Variants in UMAD1 observed in about 807,000 individuals in gnomAD.
UMAD1 encodes UBAP1-MVB12-associated (UMA)-domain containing protein 1.
In UMAD1, 8 loss-of-function variants were observed where a neutral mutation model predicts 6.1. That is an observed-to-expected ratio of 1.30 (90% CI 0.76 to 2.35). The LOEUF is 2.35. Ranked by LOEUF, UMAD1 falls within the 30% of genes most tolerant of loss-of-function variation. The pLI is 0.00. For synonymous variants in UMAD1, 56 were observed against 31.4 expected, an observed-to-expected ratio of 1.78 and a Z score of -2.61; for missense variants, 130 against 78.4, an observed-to-expected ratio of 1.66 and a Z score of -2.49.
At chr7:7,808,456 C>T (rs10237037) in intron 3 of UMAD1, among the ~76,000 whole-genome samples, 6,433 of 151,988 alleles carry the variant, frequency 0.042, 210 homozygotes, top group African/African-American at 0.095. Flanking sequence ...AAAACTGGAA[C>T]CGTATTAGCT....
At chr7:7,821,950 A>G (rs1257938787) in intron 3 of UMAD1, among the ~76,000 whole-genome samples, 3 of 152,160 alleles carry the variant, frequency 2.0e-5, no homozygotes, top group African/African-American at 7.2e-5. Context: ...TTGAGTAATA[A>G]TCTATCACTT....
intron 2 of UMAD1, among the ~76,000 whole-genome samples, chr7:7,721,061 C>T (rs1356397670): frequency 2.0e-5 from 3 of 152,038 alleles, no homozygotes; most frequent in Non-Finnish European, 4.4e-5. Context: ...GAAATGATGC[C>T]ACCACAAGCC....
intron 3 of UMAD1, among the ~76,000 whole-genome samples, chr7:7,852,618 A>G (rs11972179): frequency 0.094 from 14,384 of 152,232 alleles, 830 homozygotes; most frequent in Middle Eastern, 0.16. Context: ...AAGCAGCCAG[A>G]TGAAGAGATA....
intron 2 of UMAD1, among the ~76,000 whole-genome samples, chr7:7,743,217 T>G (rs918194824): frequency 6.6e-6 from 1 of 152,170 alleles, no homozygotes. Context: ...GTAAGTTGCT[T>G]TAAAATTAAA....
intron 1 of UMAD1, among the ~76,000 whole-genome samples, chr7:7,643,039 T>G (rs1000872958): frequency 2.6e-5 from 4 of 152,282 alleles, no homozygotes; most frequent in African/African-American, 9.6e-5. Context: ...CAGGTAGGCA[T>G]GAGTGGGACA....
chr7:7,670,649 A>G (rs1399351204), intron 1 of UMAD1, among the ~76,000 whole-genome samples: 2 of 152,186 alleles, frequency 1.3e-5, no homozygotes, highest in African/African-American at 2.4e-5. Context: ...TCTGGCTGAT[A>G]CACAAGAGTC....
At chr7:7,664,056 C>T (rs1347740728) in intron 1 of UMAD1, among the ~76,000 whole-genome samples, 1 of 152,132 alleles carries the variant, frequency 6.6e-6, no homozygotes, top group African/African-American at 2.4e-5. Flanking sequence ...GGATTTCTAC[C>T]ATCTGCACAG....
At chr7:7,872,533 G>T (rs751449898) in intron 3 of UMAD1, among the ~76,000 whole-genome samples, 5 of 152,160 alleles carry the variant, frequency 3.3e-5, no homozygotes, top group African/African-American at 4.8e-5. Flanking sequence ...CACCAAAGCA[G>T]ATAGAATAAC....
chr7:7,799,052 A>G (rs1360540094), intron 2 of UMAD1, among the ~76,000 whole-genome samples: 3 of 152,198 alleles, frequency 2.0e-5, no homozygotes, highest in South Asian at 2.1e-4. Flanking sequence ...TAAGTACCTT[A>G]TTTCATATTT....
At chr7:7,855,422 T>C (rs967899070) in intron 3 of UMAD1, among the ~76,000 whole-genome samples, 1 of 152,226 alleles carries the variant, frequency 6.6e-6, no homozygotes, top group Admixed American at 6.5e-5. Context: ...CATTAATTCT[T>C]GTCTTCTGCA....
At chr7:7,663,342 T>A (rs948104495) in intron 1 of UMAD1, among the ~76,000 whole-genome samples, 4 of 117,446 alleles carry the variant, frequency 3.4e-5, no homozygotes, top group African/African-American at 1.2e-4. Context: ...GAGGTGGAAG[T>A]AAAATTTATG....
At chr7:7,767,872 C>T (rs570613894) in intron 2 of UMAD1, among the ~76,000 whole-genome samples, 114 of 152,300 alleles carry the variant, frequency 7.5e-4, no homozygotes, top group African/African-American at 2.6e-3. Context: ...GTTCTACTGC[C>T]TTATATCCTT....
In UMAD1 at chr7:7,742,636, C is replaced by A. The variant is rs1435548634; in HGVS notation, c.83-59034C>A. The A allele has an allele frequency of 8.7e-6, 3 of 346,638 alleles. No homozygotes were observed. The East Asian group carries it at 2.2e-4, about 25-fold the overall frequency. 21.5% of individuals were successfully genotyped at this position (346,638 alleles called of 1,614,324 possible). ...CTGTTTAGTAATAAGCCGAAAAGAACCATAATTTTCAAGTGATTCTTCATG... is the reference window on the plus strand; with the variant it reads ...CTGTTTAGTAATAAGCCGAAAAGAAACATAATTTTCAAGTGATTCTTCATG... On this transcript the variant is annotated intron_variant, in intron 2 of 3. Transcript: ENST00000682710.
At chr7:7,818,761 T>C (rs925243216) in intron 3 of UMAD1, among the ~76,000 whole-genome samples, 1 of 152,206 alleles carries the variant, frequency 6.6e-6, no homozygotes, top group African/African-American at 2.4e-5. Flanking sequence ...GGAATCAACC[T>C]CCATGCCCAT....
chr7:7,730,880 A>G (rs972875300), intron 2 of UMAD1, among the ~76,000 whole-genome samples: 1 of 151,916 alleles, frequency 6.6e-6, no homozygotes, highest in Non-Finnish European at 1.5e-5. Flanking sequence ...TCGGAGTGGA[A>G]GCAGTGGCGG....
chr7:7,681,545 C>T (rs1779912700), intron 2 of UMAD1, among the ~76,000 whole-genome samples: 1 of 152,170 alleles, frequency 6.6e-6, no homozygotes, highest in Admixed American at 6.5e-5. Context: ...GAAAAACATC[C>T]TTTCCCTTGT....
At chr7:7,782,380 C>T (rs2115253946) in intron 2 of UMAD1, among the ~76,000 whole-genome samples, 1 of 152,200 alleles carries the variant, frequency 6.6e-6, no homozygotes, top group Non-Finnish European at 1.5e-5. Context: ...TGCCTTCATA[C>T]ATGCGTGCAT....
At chr7:7,644,275 T>C (rs1785045302) in intron 1 of UMAD1, among the ~76,000 whole-genome samples, 1 of 152,082 alleles carries the variant, frequency 6.6e-6, no homozygotes. Flanking sequence ...TTTAAGAGCT[T>C]TTTATTAGTG....
chr7:7,802,995 A>C (rs1782832881), intron 3 of UMAD1, among the ~76,000 whole-genome samples: 1 of 152,256 alleles, frequency 6.6e-6, no homozygotes, highest in South Asian at 2.1e-4. Flanking sequence ...AGGAGGAAGA[A>C]AATCATCTTT....
Sources: gnomAD v4.1 joint callset for allele counts (sites outside exome capture counted in the v4.1 genomes callset) on GRCh38, gnomAD v4.1.1 for gene constraint, MANE v1.5 for transcripts, NCBI Gene and HGNC (gene_info 2026-07-23, HGNC 2026-07-21) for gene names.